BBS12: variants seen among roughly 807,000 people sequenced by gnomAD.
BBS12 encodes chaperonin-containing T-complex member BBS12.
Under a neutral mutation model 5.6 loss-of-function variants are expected in BBS12, and 5 were observed. That is an observed-to-expected ratio of 0.89 (90% confidence interval 0.46 to 1.86). The LOEUF (loss-of-function observed/expected upper bound fraction) is 1.86. BBS12 is among the 40% of genes most tolerant of loss of function. The pLI, the probability that BBS12 is intolerant of heterozygous loss-of-function variation, is 0.01. For synonymous variants in BBS12, 308 were observed against 306.8 expected (o/e 1.00, Z -0.04); for missense variants, 748 against 830.4 (o/e 0.90, Z 1.22).
the BBS12 span, among the ~76,000 whole-genome samples, chr4:122,701,325 G>A: frequency 6.6e-6 from 1 of 152,198 alleles, no homozygotes; most frequent in African/African-American, 2.4e-5. Context: ...TAATTATGAC[G>A]TGATGAATCA....
rs1011357528 is a variant in BBS12, at chr4:122,741,902, G to T, written c.10G>T (p.Ala4Ser). Residue 4 changes from alanine (A) to serine (S), a missense_variant, in exon 2 of 2, where the codon GCT (alanine) becomes TCT (serine). Transcript: ENST00000314218. ...TTGCAGATCATGATACATGGTGATG[G>T]CTTGCAGAGTCGTAAACAAAAGAAG... MVMACRVVNKRRHM... is the reference protein window; with the variant it reads MVMSCRVVNKRRHM... The T allele has an allele frequency of 4.3e-6, 7 of 1,613,910 alleles. No individual in the cohort carries two copies. In the African/African-American group the frequency reaches 8.0e-5, roughly 18 times the overall value.
chr4:122,742,522 C>T lies in BBS12; in HGVS notation c.630C>T (p.Asn210=). 1 of 1,614,152 alleles carries T rather than the reference C, an allele frequency of 6.2e-7. No individual in the cohort carries two copies. The highest frequency in any genetic ancestry group is 8.5e-7 in the Non-Finnish European group (1 of 1,180,024). ...CTCAGACAAAGGTTGAAGCAGATAA[C>T]AACACATCACGAACTCTGAAAAACA... ...FKPQTKVEAD[N]NTSRTLKNSL... Residue 210 remains asparagine, a synonymous_variant, in exon 2 of 2, where the codon AAC becomes AAT. Transcript: ENST00000314218.
chr4:122,724,398 G>A, the BBS12 span, among the ~76,000 whole-genome samples: 1 of 152,134 alleles, frequency 6.6e-6, no homozygotes, highest in African/African-American at 2.4e-5. Context: ...GAAAAGAGGA[G>A]GAGAAACATA....
At chr4:122,735,851 G>A (rs969350950) in intron 1 of BBS12, among the ~76,000 whole-genome samples, 6 of 152,194 alleles carry the variant, frequency 3.9e-5, no homozygotes, top group East Asian at 1.9e-4. Flanking sequence ...AAGGGAATAA[G>A]TGTTATGGGA....
chr4:122,742,277 T>G lies in BBS12; in HGVS notation c.385T>G (p.Ser129Ala). 1 of 1,613,854 alleles carries G rather than the reference T, an allele frequency of 6.2e-7. No individual in the cohort carries two copies. The highest frequency in any genetic ancestry group is 8.5e-7 in the Non-Finnish European group (1 of 1,179,936). ...AAACTTTTGTAGTGAAGAGGTAGTT[T>G]CTCTTCATGTACCTGTTCACAATAT... ...GLNFCSEEVV[S>A]LHVPVHNIFD... is the part of the protein sequence containing the mutation. Residue 129 changes from serine to alanine, a missense_variant, in exon 2 of 2, where the codon TCT becomes GCT. Coordinates refer to ENST00000314218, the MANE Select transcript of BBS12 (RefSeq NM_152618.3).
At chr4:122,713,333 AT>A in the BBS12 span, among the ~76,000 whole-genome samples, 3 of 150,814 alleles carry the variant, frequency 2.0e-5, no homozygotes, top group Non-Finnish European at 4.4e-5. Context: ...TTTTTTAATT[AT>A]TTTTTCTACC....
At position 122,738,167 on chromosome 4, in the gene BBS12, T is replaced by C. The variant is rs183252167; in HGVS notation, c.-10-3716T>C. Among the ~76,000 whole-genome samples the C allele has an allele frequency of 5.4e-3, 827 of 152,318 alleles. 4 individuals are homozygous for C. Among genetic ancestry groups the C allele is most frequent in the South Asian group, 0.01 (49 of 4,830 alleles). ...ATGAGCAAACAAAAAAATAGGTAAA[T>C]TAGATTTCATCAAACAACAACAAAA... On this transcript the variant is annotated intron_variant, in intron 1 of 1. Coordinates refer to ENST00000314218, the MANE Select transcript of BBS12 (RefSeq NM_152618.3).
the BBS12 span, among the ~76,000 whole-genome samples, chr4:122,724,999 T>G: frequency 6.6e-6 from 1 of 152,184 alleles, no homozygotes; most frequent in Admixed American, 6.5e-5. Context: ...CCTTTCTTTT[T>G]TTACTCTTAG....
At chr4:122,722,706 C>G in the BBS12 span, among the ~76,000 whole-genome samples, 2 of 152,078 alleles carry the variant, frequency 1.3e-5, no homozygotes, top group African/African-American at 4.8e-5. Flanking sequence ...ACAATTGTGT[C>G]GATGTTTGTA....
At chr4:122,704,377 T>C in the BBS12 span, among the ~76,000 whole-genome samples, 1 of 152,204 alleles carries the variant, frequency 6.6e-6, no homozygotes, top group South Asian at 2.1e-4. Flanking sequence ...GAAAAGTATA[T>C]AAACAATTGG....
chr4:122,741,807 T>C, intron 1 of BBS12, 76 bp from the exon 2 acceptor site: 1 of 1,275,806 alleles, frequency 7.8e-7, no homozygotes, highest in South Asian at 1.3e-5. Flanking sequence ...GGAGCATATC[T>C]TGTTTTTATT....
chr4:122,714,071 A>T, the BBS12 span, among the ~76,000 whole-genome samples: 6 of 152,174 alleles, frequency 3.9e-5, no homozygotes, highest in African/African-American at 1.4e-4. Context: ...CCTTCAATAT[A>T]CGTTGACACA....
chr4:122,716,712 CATAT>C, the BBS12 span, among the ~76,000 whole-genome samples: 6 of 95,174 alleles, frequency 6.3e-5, no homozygotes, highest in East Asian at 2.7e-3. Flanking sequence ...TATACATACA[CATAT>C]GTGTGTATAT....
At chr4:122,740,751 G>A (rs569684033) in intron 1 of BBS12, among the ~76,000 whole-genome samples, 3 of 152,150 alleles carry the variant, frequency 2.0e-5, no homozygotes, top group Admixed American at 6.5e-5. Flanking sequence ...AGTCCTCTAC[G>A]GTGTTATCAG....
chr4:122,709,289 G>A, the BBS12 span, among the ~76,000 whole-genome samples: 4 of 152,052 alleles, frequency 2.6e-5, no homozygotes, highest in African/African-American at 9.7e-5. Flanking sequence ...TTCCCTTCAG[G>A]ACTTATAATG....
the BBS12 span, among the ~76,000 whole-genome samples, chr4:122,718,008 A>G: frequency 6.6e-6 from 1 of 152,200 alleles, no homozygotes; most frequent in African/African-American, 2.4e-5. Context: ...ATGTTGAGCT[A>G]GTCGTTTAAA....
intron 1 of BBS12, among the ~76,000 whole-genome samples, chr4:122,733,225 T>G (rs1800727128): frequency 6.6e-6 from 1 of 152,198 alleles, no homozygotes; most frequent in South Asian, 2.1e-4. Context: ...TGGAGGGACG[T>G]GGGTATTGGG....
At chr4:122,727,706 C>T (rs1189847995), upstream of BBS12, among the ~76,000 whole-genome samples, 1 of 151,690 alleles carries the variant, frequency 6.6e-6, no homozygotes, top group African/African-American at 2.4e-5. Flanking sequence ...GCGCCTGCCA[C>T]CACGTCCAGC....
the BBS12 span, among the ~76,000 whole-genome samples, chr4:122,706,387 G>C: frequency 5.3e-5 from 8 of 152,138 alleles, no homozygotes; most frequent in Non-Finnish European, 1.2e-4. Context: ...ATAAATCAAT[G>C]CTTAATGTCT....
Sources: allele counts gnomAD v4.1 joint callset (sites outside exome capture counted in the v4.1 genomes callset), GRCh38; gene constraint gnomAD v4.1.1; transcripts MANE v1.5; gene names NCBI Gene and HGNC (gene_info 2026-07-23, HGNC 2026-07-21).